The following PRDM2 variants were observed in gnomAD, a reference collection of about 807,000 sequenced individuals.
PRDM2 encodes the protein PR domain zinc finger protein 2.
In PRDM2, 30 loss-of-function variants were observed where a neutral mutation model predicts 130.0. The ratio of observed to expected loss-of-function variants is 0.23; its 90% CI spans 0.17 to 0.31. PRDM2 has a LOEUF of 0.31. Ranked by LOEUF, PRDM2 falls within the 10% of genes least tolerant of loss-of-function variation. PRDM2 has a pLI of 1.00. For missense variants in PRDM2, 2,011 were observed against 2,108.4 expected, an observed-to-expected ratio of 0.95 and a Z score of 0.90; for synonymous variants, 871 against 782.4, an observed-to-expected ratio of 1.11 and a Z score of -1.89.
chr1:13,821,211 G>A (rs1211600044), intron 9 of PRDM2, among the ~76,000 whole-genome samples: 1 of 152,074 alleles, frequency 6.6e-6, no homozygotes, highest in South Asian at 2.1e-4. Context: ...AGATTGCATA[G>A]GTTAGTGAAT....
intron 2 of PRDM2, among the ~76,000 whole-genome samples, chr1:13,719,739 T>C (rs964572147): frequency 2.0e-5 from 3 of 152,150 alleles, no homozygotes; most frequent in Non-Finnish European, 2.9e-5. Flanking sequence ...TGCTCATTTC[T>C]TAACCAAATA....
intron 8 of PRDM2, among the ~76,000 whole-genome samples, chr1:13,809,591 C>T (rs1461577831): frequency 6.6e-6 from 1 of 152,108 alleles, no homozygotes; most frequent in Admixed American, 6.5e-5. Flanking sequence ...CAAGAGATGT[C>T]ACGTCAGTGC....
In PRDM2 at chr1:13,780,301, G is replaced by T. The variant is rs1295166423; in HGVS notation, c.2506G>T (p.Gly836Cys). 6.2e-7 allele frequency: 1 copy of T among 1,614,102 alleles called. No individual in the cohort carries two copies. The highest frequency in any genetic ancestry group is 8.5e-7 in the Non-Finnish European group (1 of 1,180,026). Reference protein sequence around the residue: ...LSSGVKQKAEGTGKTPVQWES... With the variant: ...LSSGVKQKAECTGKTPVQWES... ...CAGCGGTGTCAAACAGAAGGCTGAG[G>T]GTACAGGCAAGACTCCAGTCCAGTG... The change falls in exon 8 of 10, where the codon GGT (glycine) becomes TGT (cysteine). Residue 836 changes from glycine (G) to cysteine (C), a missense_variant. By Grantham distance (159) the Gly-to-Cys change is radical. Coordinates refer to ENST00000311066, the MANE Select transcript of PRDM2 (RefSeq NM_001393986.1).
In PRDM2 at chr1:13,781,000, T is replaced by C; in HGVS notation, c.3205T>C (p.Ser1069Pro). 1.0e-5 allele frequency: 16 copies of C among 1,601,184 alleles called. No homozygotes were observed. Among genetic ancestry groups the C allele is most frequent in the Non-Finnish European group, 1.4e-5 (16 of 1,168,442 alleles). The change falls in exon 8 of 10, where the codon TCC (serine) becomes CCC (proline). Residue 1069 changes from serine to proline, a missense_variant. Physicochemically the swap from Ser to Pro is moderately conservative, Grantham distance 74. Coordinates refer to ENST00000311066, the MANE Select transcript of PRDM2 (RefSeq NM_001393986.1). ...CTCCTCTTCGTTTTCTTCTTCATCTTCCTCCTCTTCTCCTTCTCCACCTCC... is the reference window on the plus strand; with the variant it reads ...CTCCTCTTCGTTTTCTTCTTCATCTCCCTCCTCTTCTCCTTCTCCACCTCC... ...SSSSSFSSSS[S>P]SSSPSPPPLS...
intron 8 of PRDM2, chr1:13,783,244 T>A (rs779761956): frequency 2.1e-6 from 1 of 478,956 alleles, no homozygotes; most frequent in South Asian, 1.5e-5. Flanking sequence ...TAAACCATGT[T>A]ACAATCTTGT....
intron 8 of PRDM2, chr1:13,788,168 C>CT (rs1187532343): frequency 3.4e-6 from 3 of 893,688 alleles, no homozygotes; most frequent in Non-Finnish European, 4.0e-6. Context: ...AGCCCGCACT[C>CT]TAATTTAAAA....
In PRDM2 at chr1:13,731,673, G is replaced by A. The variant is rs1046746353; in HGVS notation, c.127+556G>A. 4.6e-5 allele frequency among the ~76,000 whole-genome samples: 7 copies of A among 152,246 alleles called. No individual in the cohort carries two copies. The South Asian group carries it at 6.2e-4, about 14-fold the overall frequency. ...TTCTCCTTGAACACAAACCAGGCGC[G>A]TGTGTGTTTGGTTTTTATGTGGCCT... On this transcript the variant is annotated intron_variant, in intron 3 of 9. Transcript: ENST00000311066.
chr1:13,742,416 G>T (rs182170913), intron 5 of PRDM2, among the ~76,000 whole-genome samples: 2 of 152,184 alleles, frequency 1.3e-5, no homozygotes, highest in Admixed American at 1.3e-4. Flanking sequence ...TACCCAGGCT[G>T]GTCTCAAACT....
At chr1:13,814,336 C>T (rs1283080373) in intron 8 of PRDM2, among the ~76,000 whole-genome samples, 2 of 152,184 alleles carry the variant, frequency 1.3e-5, no homozygotes, top group African/African-American at 2.4e-5. Flanking sequence ...GGCTGCACAG[C>T]GCAGGGGAGG....
At chr1:13,710,422 A>G (rs1569674118) in intron 1 of PRDM2, among the ~76,000 whole-genome samples, 1 of 152,376 alleles carries the variant, frequency 6.6e-6, no homozygotes, top group East Asian at 1.9e-4. Context: ...ATCATTAATC[A>G]TCAAATCATC....
intron 6 of PRDM2, among the ~76,000 whole-genome samples, chr1:13,767,973 G>A (rs1316672883): frequency 1.3e-5 from 2 of 151,654 alleles, no homozygotes; most frequent in East Asian, 1.9e-4. Flanking sequence ...GAGAGACAGA[G>A]TAAGACCCTG....
chr1:13,783,886 T>C (rs1172274661), intron 8 of PRDM2, among the ~76,000 whole-genome samples: 1 of 152,136 alleles, frequency 6.6e-6, no homozygotes, highest in Non-Finnish European at 1.5e-5. Flanking sequence ...TTTGGTGTTT[T>C]AAGCAAGCAG....
At position 13,742,121 on chromosome 1, in the gene PRDM2, G is replaced by A. The variant is rs1165382813; in HGVS notation, c.348G>A (p.Leu116=). Reference sequence around the variant, plus strand: ...GAGAAGAGCAAAATTTATTCCCACTGGAAATCAACAGAGCCATTTACTATA... The same window carrying A: ...GAGAAGAGCAAAATTTATTCCCACTAGAAATCAACAGAGCCATTTACTATA... ...CSGEEQNLFP[L]EINRAIYYKT... is the part of the protein sequence containing the mutation. Residue 116 remains leucine, a synonymous_variant, in exon 5 of 10, where the codon CTG becomes CTA. Transcript: ENST00000311066. 1.9e-6 allele frequency: 3 copies of A among 1,613,932 alleles called. No individual in the cohort carries two copies. The highest frequency in any genetic ancestry group is 2.5e-6 in the Non-Finnish European group (3 of 1,179,840).
intron 9 of PRDM2, among the ~76,000 whole-genome samples, chr1:13,822,537 A>AG (rs1645369672): frequency 6.6e-6 from 1 of 152,082 alleles, no homozygotes; most frequent in Admixed American, 6.5e-5. Context: ...CTGGGACTAC[A>AG]GGCACCTGCC....
intron 6 of PRDM2, among the ~76,000 whole-genome samples, chr1:13,754,646 C>A (rs1643906524): frequency 6.6e-6 from 1 of 152,246 alleles, no homozygotes. Context: ...AGTTTGATCT[C>A]CTAACCTTTC....
At chr1:13,812,786 A>C (rs191233630) in intron 8 of PRDM2, among the ~76,000 whole-genome samples, 13 of 152,346 alleles carry the variant, frequency 8.5e-5, no homozygotes, top group African/African-American at 3.1e-4. Context: ...TCCTGGGGTC[A>C]CACCCACTAG....
intron 8 of PRDM2, chr1:13,786,971 A>G (rs982604150): frequency 1.5e-5 from 15 of 988,992 alleles, no homozygotes; most frequent in Middle Eastern, 5.2e-4. Flanking sequence ...TTTTGGTCAC[A>G]TATCAGCTCT....
intron 6 of PRDM2, among the ~76,000 whole-genome samples, chr1:13,761,446 GA>G (rs1330374393): frequency 6.6e-6 from 1 of 152,188 alleles, no homozygotes; most frequent in African/African-American, 2.4e-5. Context: ...TTTCCGGGAA[GA>G]AATGTCCCGA....
chr1:13,760,647 T>C (rs1381288148), intron 6 of PRDM2, among the ~76,000 whole-genome samples: 1 of 152,188 alleles, frequency 6.6e-6, no homozygotes, highest in Non-Finnish European at 1.5e-5. Context: ...TTCGGATGGG[T>C]TACTCTCCAT....
Sources: gnomAD v4.1 joint callset for allele counts (sites outside exome capture counted in the v4.1 genomes callset) on GRCh38, gnomAD v4.1.1 for gene constraint, MANE v1.5 for transcripts, NCBI Gene and HGNC (gene_info 2026-07-23, HGNC 2026-07-21) for gene names.